The following ASMT variants were observed in gnomAD, a reference collection of about 807,000 sequenced individuals.
ASMT encodes the protein acetylserotonin N-methyltransferase.
A neutral mutation model predicts 41.3 loss-of-function variants in ASMT; 53 were observed. That is an observed-to-expected ratio of 1.28 (90% CI 1.03 to 1.61). The LOEUF is 1.61. Ranked by LOEUF, ASMT falls within the 40% of genes most tolerant of loss-of-function variation. The pLI is 0.00. For missense variants in ASMT, 531 were observed against 441.3 expected, an observed-to-expected ratio of 1.20 and a Z score of -1.82; for synonymous variants, 231 against 184.8, an observed-to-expected ratio of 1.25 and a Z score of -2.03.
At chrX:1,633,438 G>A (rs1190185333) in intron 7 of ASMT, 148 bp downstream of exon 7, 3 of 892,540 alleles carry the variant, frequency 3.4e-6, no homozygotes, top group Non-Finnish European at 5.7e-6. Context: ...TATTCATGAT[G>A]GATGGAAAGC....
intron 1 of ASMT, among the ~76,000 whole-genome samples, chrX:1,622,549 C>T (rs1380806893): frequency 6.6e-6 from 1 of 151,702 alleles, no homozygotes; most frequent in African/African-American, 2.4e-5. Context: ...CCTCCCAAAG[C>T]GCAGGGATTA....
At position 1,624,307 on chromosome X, in the gene ASMT, A is replaced by ACCACGGTCAGC. The variant is rs759522345; in HGVS notation, c.286_296dup (p.Thr100ArgfsTer11). On this transcript the variant is annotated frameshift_variant, in exon 3 of 9. Transcript: ENST00000381241. LOFTEE classifies it high-confidence loss of function. ...CACAGAGCTGTCCAGCGACTACCTG[A>ACCACGGTCAGC]CCACGGTCAGCCCGACGTCACAATG... The ACCACGGTCAGC allele has an allele frequency of 1.2e-5, 19 of 1,613,998 alleles. 1 individual carries two copies. The South Asian group carries it at 1.8e-4, about 15-fold the overall frequency.
intron 8 of ASMT, 86 bp from the exon 9 acceptor site, chrX:1,642,717 C>T: frequency 7.9e-7 from 1 of 1,269,992 alleles, no homozygotes; most frequent in East Asian, 2.3e-5. Flanking sequence ...CCTCTGAGGT[C>T]TGGCTGTCCT....
chrX:1,636,930 A>C (rs113960918), intron 8 of ASMT, among the ~76,000 whole-genome samples: 4,112 of 103,884 alleles, frequency 0.04, 177 homozygotes, highest in Non-Finnish European at 0.061. Context: ...TGATGGGGAC[A>C]GTGTCCCAGC....
intron 4 of ASMT, among the ~76,000 whole-genome samples, chrX:1,629,309 G>C (rs1470512239): frequency 1.3e-5 from 2 of 152,098 alleles, no homozygotes; most frequent in Non-Finnish European, 2.9e-5. Flanking sequence ...GAGGACAGGA[G>C]GAGAGAGGGA....
Position 1,629,601 on chromosome X carries a change from G to A in ASMT, c.444-220G>A, listed in dbSNP as rs183702575. On this transcript the variant is annotated intron_variant, in intron 4 of 8. Transcript: ENST00000381241. ...CTTCCCATCCAGAGAACAATCGTCC[G>A]TTCTGAATCAACTCCAGGTTTCCCG... is the stretch of plus-strand genomic sequence containing the variant. 2.6e-3 allele frequency among the ~76,000 whole-genome samples: 403 copies of A among 152,240 alleles called. 1 individual carries two copies. The highest frequency in any genetic ancestry group is 9.2e-3 in the African/African-American group (382 of 41,540).
At chrX:1,628,572 C>T (rs1400414829) in intron 4 of ASMT, among the ~76,000 whole-genome samples, 26 of 151,184 alleles carry the variant, frequency 1.7e-4, no homozygotes, top group Admixed American at 3.3e-4. Context: ...TCGCCTGCCC[C>T]CCAACCTCTC....
Position 1,636,958 on chromosome X carries a change from CCATCCTGATGGCA to C in ASMT, c.910+402_910+414del, listed in dbSNP as rs1569384283. Among the ~76,000 whole-genome samples the C allele has an allele frequency of 3.1e-4, 27 of 88,434 alleles. No homozygotes were observed. The South Asian group carries it at 8.7e-3, about 28-fold the overall frequency. The allele number at this position is 88,434 out of a possible 152,430, so 58.0% of individuals were successfully genotyped here. A position where few individuals can be genotyped will look rare whatever the true frequency, so the allele number is the denominator to read the frequency against. On this transcript the variant is annotated intron_variant, in intron 8 of 8. Transcript: ENST00000381241. ...GTCCCAGCTCTCCTGTGAGGTCCAT[CCATCCTGATGGCA>C]CATGAGGATGTGGGCACAGCCTCTG...
intron 4 of ASMT, among the ~76,000 whole-genome samples, chrX:1,629,416 C>T (rs547849346): frequency 2.4e-4 from 37 of 152,260 alleles, no homozygotes; most frequent in African/African-American, 8.7e-4. Flanking sequence ...ACCTGCCTCC[C>T]TTCCTAGTTC....
At chrX:1,633,782 G>C (rs1422014762) in intron 7 of ASMT, among the ~76,000 whole-genome samples, 4 of 152,042 alleles carry the variant, frequency 2.6e-5, no homozygotes, top group Non-Finnish European at 5.9e-5. Flanking sequence ...GGGACTACAG[G>C]CACCCACCAC....
intron 4 of ASMT, 197 bp downstream of exon 4, chrX:1,627,968 AG>A (rs1170601871): frequency 1.5e-6 from 1 of 648,464 alleles, no homozygotes; most frequent in Non-Finnish European, 2.8e-6. Flanking sequence ...ATTCCTGAGG[AG>A]GTGCAACGTG....
intron 5 of ASMT, among the ~76,000 whole-genome samples, chrX:1,631,916 G>A (rs1262868800): frequency 1.3e-5 from 2 of 152,144 alleles, no homozygotes; most frequent in East Asian, 1.9e-4. Context: ...AGGCATGACA[G>A]TAGGTGCCTG....
intron 1 of ASMT, among the ~76,000 whole-genome samples, chrX:1,619,928 A>G (rs1162547586): frequency 1.1e-3 from 169 of 149,706 alleles, no homozygotes; most frequent in Non-Finnish European, 1.9e-3. Context: ...CGTCTCTACT[A>G]AAAATATTTT....
intron 5 of ASMT, among the ~76,000 whole-genome samples, chrX:1,631,120 T>A (rs1379357599): frequency 2.0e-5 from 3 of 151,484 alleles, no homozygotes; most frequent in African/African-American, 4.9e-5. Context: ...TTCTCCGTGT[T>A]AGCCAGGATG....
chrX:1,627,861 G>T (rs1382767135), intron 4 of ASMT, 90 bp downstream of exon 4: 2 of 1,226,860 alleles, frequency 1.6e-6, no homozygotes, highest in Admixed American at 3.4e-5. Context: ...TACTCAAATG[G>T]CACAACCCAG....
intron 1 of ASMT, among the ~76,000 whole-genome samples, chrX:1,621,710 A>G (rs1934342726): frequency 6.8e-6 from 1 of 147,274 alleles, no homozygotes. Context: ...TTATTTATCT[A>G]TTGAGACGGA....
At chrX:1,642,161 G>T (rs1357666117) in intron 8 of ASMT, among the ~76,000 whole-genome samples, 3 of 147,202 alleles carry the variant, frequency 2.0e-5, no homozygotes, top group Admixed American at 7.1e-5. Context: ...GATGGTCCAT[G>T]AGGACATGGG....
chrX:1,641,614 G>C lies in ASMT; in HGVS notation c.911-1189G>C, dbSNP rs749926133. Among the ~76,000 whole-genome samples, 9 of 144,522 alleles carry C rather than the reference G, an allele frequency of 6.2e-5. 1 individual carries two copies. Among genetic ancestry groups the C allele is most frequent in the Non-Finnish European group, 1.4e-4 (9 of 66,434 alleles). The allele number at this position is 144,522 out of a possible 152,430, so 94.8% of individuals were successfully genotyped here. On this transcript the variant is annotated intron_variant, in intron 8 of 8. Transcript: ENST00000381241. ...TGGGCACAGCCTCTGTGTGTGTGAT[G>C]GGGACAGTGTCCCAGTGTCCTGTGA...
At chrX:1,617,910 T>C (rs1367651266) in intron 1 of ASMT, among the ~76,000 whole-genome samples, 1 of 152,180 alleles carries the variant, frequency 6.6e-6, no homozygotes, top group African/African-American at 2.4e-5. Context: ...AGTACGCTCA[T>C]GGTTGAAGGG....
Sources: allele counts gnomAD v4.1 joint callset (sites outside exome capture counted in the v4.1 genomes callset), GRCh38; gene constraint gnomAD v4.1.1; transcripts MANE v1.5; gene names NCBI Gene and HGNC (gene_info 2026-07-23, HGNC 2026-07-21).